The following FAM107B variants were observed in gnomAD, a reference collection of about 807,000 sequenced individuals.
FAM107B encodes family with sequence similarity 107 member B.
Under a neutral mutation model 31.5 loss-of-function variants are expected in FAM107B, and 21 were observed. That is an observed-to-expected ratio of 0.67 (90% confidence interval 0.47 to 0.96). The LOEUF is 0.96. Among genes scored for constraint, FAM107B ranks in the 40% least tolerant of loss-of-function variants. The pLI, the probability that FAM107B is intolerant of heterozygous loss-of-function variation, is 0.00. For synonymous variants in FAM107B, 157 were observed against 141.5 expected (o/e 1.11, Z -0.78); for missense variants, 452 against 377.1 (o/e 1.20, Z -1.64).
intron 1 of FAM107B, among the ~76,000 whole-genome samples, chr10:14,767,969 C>A (rs1405839556): frequency 2.6e-5 from 4 of 152,052 alleles, no homozygotes; most frequent in East Asian, 1.9e-4. Context: ...AAGATAAAGA[C>A]CCCTGCACAA....
chr10:14,522,663 C>T (rs2130763800), intron 3 of FAM107B, among the ~76,000 whole-genome samples: 1 of 152,212 alleles, frequency 6.6e-6, no homozygotes, highest in South Asian at 2.1e-4. Context: ...ATCCACTCGC[C>T]TCGGCCTCCC....
Position 14,528,198 on chromosome 10 carries a change from T to A in FAM107B, c.653+2134A>T, listed in dbSNP as rs1265391937. Among the ~76,000 whole-genome samples the A allele has an allele frequency of 1.1e-4, 12 of 105,534 alleles. No individual in the cohort carries two copies. The South Asian group carries it at 3.4e-3, about 30-fold the overall frequency. The allele number at this position is 105,534 out of a possible 152,430, so 69.2% of individuals were successfully genotyped here. ...GGTTTTTTTTTTTTTTTTTTTTTTT[T>A]AGAGACAGAGTTTTGCTCTGTCACC... On this transcript the variant is annotated intron_variant, in intron 3 of 4. Transcript: ENST00000181796.
chr10:14,681,550 G>A (rs1236393340), intron 1 of FAM107B, among the ~76,000 whole-genome samples: 1 of 152,120 alleles, frequency 6.6e-6, no homozygotes, highest in African/African-American at 2.4e-5. Flanking sequence ...TCCATCTTGG[G>A]TCGCATACTT....
chr10:14,634,692 G>A (rs376048585), intron 2 of FAM107B, among the ~76,000 whole-genome samples: 1 of 152,168 alleles, frequency 6.6e-6, no homozygotes, highest in East Asian at 1.9e-4. Flanking sequence ...GGAGGATGGC[G>A]TTAGCTGAGT....
At chr10:14,702,724 T>C (rs1037016198) in intron 1 of FAM107B, among the ~76,000 whole-genome samples, 1 of 152,168 alleles carries the variant, frequency 6.6e-6, no homozygotes, top group Non-Finnish European at 1.5e-5. Flanking sequence ...AGCTCTCCCA[T>C]AGCAGAATAA....
At chr10:14,710,304 G>A (rs913715334) in intron 1 of FAM107B, among the ~76,000 whole-genome samples, 70 of 152,166 alleles carry the variant, frequency 4.6e-4, no homozygotes, top group African/African-American at 1.6e-3. Context: ...AAGAAAAACA[G>A]CCAAGCTGAG....
At chr10:14,586,654 C>G (rs967806846) in intron 2 of FAM107B, among the ~76,000 whole-genome samples, 1 of 152,174 alleles carries the variant, frequency 6.6e-6, no homozygotes, top group African/African-American at 2.4e-5. Flanking sequence ...CCAAATCTGC[C>G]AGCATCTTTG....
intron 1 of FAM107B, among the ~76,000 whole-genome samples, chr10:14,750,381 G>A (rs981507212): frequency 4.6e-5 from 7 of 152,202 alleles, no homozygotes; most frequent in Non-Finnish European, 7.4e-5. Context: ...GGAGAGCAAG[G>A]TGGGTGGATC....
chr10:14,691,545 C>G (rs1855134525), intron 1 of FAM107B, among the ~76,000 whole-genome samples: 1 of 152,088 alleles, frequency 6.6e-6, no homozygotes, highest in South Asian at 2.1e-4. Flanking sequence ...TTACGACAAC[C>G]CTATAAAACA....
At chr10:14,608,340 A>C (rs191400301) in intron 2 of FAM107B, among the ~76,000 whole-genome samples, 1 of 152,360 alleles carries the variant, frequency 6.6e-6, no homozygotes, top group African/African-American at 2.4e-5. Context: ...ATTCTGTGTC[A>C]ATTATCTATG....
intron 1 of FAM107B, among the ~76,000 whole-genome samples, chr10:14,728,473 G>C (rs986682331): frequency 6.6e-6 from 1 of 152,082 alleles, no homozygotes; most frequent in Non-Finnish European, 1.5e-5. Flanking sequence ...TACCCCCAGG[G>C]TGTGCATTCC....
chr10:14,624,508 C>A (rs995783625), intron 2 of FAM107B, among the ~76,000 whole-genome samples: 3 of 151,984 alleles, frequency 2.0e-5, no homozygotes, highest in African/African-American at 7.2e-5. Flanking sequence ...TGGTGGTGTG[C>A]GCCTGTAATC....
At chr10:14,749,618 C>T (rs950058978) in intron 1 of FAM107B, among the ~76,000 whole-genome samples, 1 of 152,172 alleles carries the variant, frequency 6.6e-6, no homozygotes, top group African/African-American at 2.4e-5. Context: ...CCAGCCACAG[C>T]GAGGCCTTCG....
At chr10:14,684,988 TTTTTAAATTA>T (rs1854942946) in intron 1 of FAM107B, among the ~76,000 whole-genome samples, 1 of 152,022 alleles carries the variant, frequency 6.6e-6, no homozygotes. Flanking sequence ...GCCTGGCTAA[TTTTTAAATTA>T]TTTTAAATTA....
At chr10:14,522,069 T>A (rs181075242) in intron 3 of FAM107B, 50 bp from the exon 4 acceptor site, 1 of 1,570,702 alleles carries the variant, frequency 6.4e-7, no homozygotes, top group Non-Finnish European at 8.6e-7. Flanking sequence ...AATGGCTACA[T>A]TTTTTATGAA....
At chr10:14,685,194 G>A (rs1169915150) in intron 1 of FAM107B, among the ~76,000 whole-genome samples, 1 of 149,912 alleles carries the variant, frequency 6.7e-6, no homozygotes, top group Admixed American at 6.7e-5. Context: ...TGTCACCTGG[G>A]CTGGAGTGCA....
intron 2 of FAM107B, among the ~76,000 whole-genome samples, chr10:14,645,427 C>T (rs12785149): frequency 0.37 from 56,567 of 152,052 alleles, 11,899 homozygotes; most frequent in Non-Finnish European, 0.46. Flanking sequence ...GTTTCCCGTT[C>T]GTCTAAGCAA....
chr10:14,741,615 T>C lies in FAM107B; in HGVS notation c.411+32638A>G, dbSNP rs1040913230. 3.3e-5 allele frequency among the ~76,000 whole-genome samples: 5 copies of C among 152,162 alleles called. No individual in the cohort carries two copies. In the East Asian group the frequency reaches 9.7e-4, roughly 29 times the overall value. ...AATACCTTTCTTGAAAACCCACCAA[T>C]TCCTTCAAATCCAGTCACCAGCACT... is the stretch of plus-strand genomic sequence containing the variant. On this transcript the variant is annotated intron_variant, in intron 1 of 4. Transcript: ENST00000181796.
At chr10:14,524,567 A>G (rs1417652441) in intron 3 of FAM107B, among the ~76,000 whole-genome samples, 2 of 152,252 alleles carry the variant, frequency 1.3e-5, no homozygotes, top group African/African-American at 4.8e-5. Flanking sequence ...ATCTTTAATC[A>G]GCACAATATA....
Sources: gnomAD v4.1 joint callset for allele counts (sites outside exome capture counted in the v4.1 genomes callset) on GRCh38, gnomAD v4.1.1 for gene constraint, MANE v1.5 for transcripts, NCBI Gene and HGNC (gene_info 2026-07-23, HGNC 2026-07-21) for gene names.